Variants in FAM161B observed in about 807,000 individuals in gnomAD.
FAM161B encodes the protein protein FAM161B.
In FAM161B, 46 loss-of-function variants were observed where a neutral mutation model predicts 61.5. That is an observed-to-expected ratio of 0.75 (90% CI 0.59 to 0.96). The LOEUF is 0.96. Among genes scored for constraint, FAM161B ranks in the 40% least tolerant of loss-of-function variants. The pLI, the probability that FAM161B is intolerant of heterozygous loss-of-function variation, is 0.00. For synonymous variants in FAM161B, 284 were observed against 302.7 expected, an observed-to-expected ratio of 0.94 and a Z score of 0.64; for missense variants, 774 against 800.7, an observed-to-expected ratio of 0.97 and a Z score of 0.40.
chr14:73,925,624 T>C, the FAM161B span, among the ~76,000 whole-genome samples: 3 of 152,020 alleles, frequency 2.0e-5, no homozygotes, highest in Admixed American at 1.3e-4. Context: ...GATAGGGTTT[T>C]ACCCTGTTGG....
At position 73,932,930 on chromosome 14, in the gene FAM161B, T is replaced by G. The variant is rs193172048; in HGVS notation, c.*1326A>C. On this transcript the variant is annotated 3_prime_UTR_variant, in exon 9 of 9. Transcript: ENST00000286544. ...TGAACCACTGCACCGAGCCAGAATA[T>G]CCAATTATTATTGGTGAGAAGAAAA... is the stretch of plus-strand genomic sequence containing the variant. The G allele has an allele frequency of 6.5e-6, 1 of 152,964 alleles. No individual in the cohort carries two copies. The highest frequency in any genetic ancestry group is 1.5e-5 in the Non-Finnish European group (1 of 68,560). 9.5% of individuals were successfully genotyped at this position (152,964 alleles called of 1,614,324 possible).
At chr14:73,939,572 T>C (rs1362316719) in intron 5 of FAM161B, among the ~76,000 whole-genome samples, 1 of 152,236 alleles carries the variant, frequency 6.6e-6, no homozygotes, top group African/African-American at 2.4e-5. Flanking sequence ...CCAGGACCTC[T>C]GACTCCGAAG....
intron 3 of FAM161B, 50 bp from the exon 4 acceptor site, chr14:73,942,765 A>G: frequency 6.5e-7 from 1 of 1,533,130 alleles, no homozygotes; most frequent in Non-Finnish European, 8.9e-7. Flanking sequence ...CAAGAAACCT[A>G]CAGGGTTGGA....
chr14:73,945,942 A>G (rs1309166148), intron 2 of FAM161B, among the ~76,000 whole-genome samples: 2 of 152,004 alleles, frequency 1.3e-5, no homozygotes. Flanking sequence ...GGGTTTCACC[A>G]TGTTGGCCAG....
chr14:73,931,903 G>GCTGT (rs2055921518), downstream of FAM161B: 3 of 456,254 alleles, frequency 6.6e-6, no homozygotes, highest in African/African-American at 4.0e-5. Context: ...CCCAGACTCA[G>GCTGT]CTGTCTTTTC....
chr14:73,937,709 T>C lies in FAM161B; in HGVS notation c.1566-8A>G. On this transcript the variant is annotated splice_region_variant and splice_polypyrimidine_tract_variant and intron_variant, in intron 6 of 8. Transcript: ENST00000286544. ...CTTTTACGGTCATTGTTCCTGGAAT[T>C]AGCAAGACTTTTAGAAAGAATTTCA... 6.2e-7 allele frequency: 1 copy of C among 1,610,326 alleles called. No individual in the cohort carries two copies.
chr14:73,935,893 A>G (rs1318536018), intron 8 of FAM161B, 56 bp downstream of exon 8: 1 of 1,550,636 alleles, frequency 6.4e-7, no homozygotes. Flanking sequence ...TCCCAGTGGT[A>G]TTACTGGGTA....
intron 7 of FAM161B, among the ~76,000 whole-genome samples, chr14:73,937,367 G>A (rs1278021630): frequency 1.3e-5 from 2 of 152,202 alleles, no homozygotes; most frequent in African/African-American, 4.8e-5. Context: ...TACAGTGAAA[G>A]CTCTAGGAAG....
chr14:73,931,780 C>G (rs1340949880), downstream of FAM161B: 1 of 524,472 alleles, frequency 1.9e-6, no homozygotes. Flanking sequence ...CTGTACCTAC[C>G]TCTCTTCCCA....
In FAM161B at chr14:73,944,417, A is replaced by C; in HGVS notation, c.843T>G (p.Ala281=). The C allele has an allele frequency of 3.7e-6, 6 of 1,612,822 alleles. No individual in the cohort carries two copies. The highest frequency in any genetic ancestry group is 5.1e-6 in the Non-Finnish European group (6 of 1,178,966). The change falls in exon 3 of 9, where the codon GCT becomes GCG. Residue 281 remains alanine, a synonymous_variant. Transcript: ENST00000286544. ...AARQRDLAAT[A]EAKISKQKAT... ...CCTTCTGCTTGGAGATCTTGGCTTC[A>C]GCTGTGGCTGCCAAGTCTCTCTGTC... is the stretch of plus-strand genomic sequence containing the variant.
At chr14:73,948,407 C>A (rs2056086443) in intron 1 of FAM161B, among the ~76,000 whole-genome samples, 1 of 152,160 alleles carries the variant, frequency 6.6e-6, no homozygotes, top group Non-Finnish European at 1.5e-5. Context: ...CTGAGTTATA[C>A]TTTCTCAGTC....
intron 8 of FAM161B, among the ~76,000 whole-genome samples, chr14:73,934,726 C>T (rs529336338): frequency 1.3e-5 from 2 of 152,022 alleles, no homozygotes; most frequent in South Asian, 4.2e-4. Context: ...GGATTACAGG[C>T]GTGAGCCACC....
chr14:73,935,478 G>A (rs983251670), intron 8 of FAM161B, among the ~76,000 whole-genome samples: 2 of 149,542 alleles, frequency 1.3e-5, no homozygotes, highest in African/African-American at 4.9e-5. Flanking sequence ...CAGTGAGCCA[G>A]AAATCGCGCC....
the FAM161B span, among the ~76,000 whole-genome samples, chr14:73,925,187 A>C: frequency 0.49 from 74,578 of 152,036 alleles, 18,512 homozygotes; most frequent in South Asian, 0.61. Flanking sequence ...AAAGTTTTTG[A>C]TCTTGATATC....
In FAM161B at chr14:73,934,123, G is replaced by A; in HGVS notation, c.*133C>T. ...AGGCGTGAGCCACTGCGCCTGGCCTGTTAATCTGCTACTCTTCATTTGTCC... is the reference window on the plus strand; with the variant it reads ...AGGCGTGAGCCACTGCGCCTGGCCTATTAATCTGCTACTCTTCATTTGTCC... On this transcript the variant is annotated 3_prime_UTR_variant, in exon 9 of 9. Transcript: ENST00000286544. The A allele has an allele frequency of 1.8e-6, 2 of 1,132,914 alleles. No individual in the cohort carries two copies. The highest frequency in any genetic ancestry group is 1.6e-5 in the South Asian group (1 of 62,614). 70.2% of individuals were successfully genotyped at this position (1,132,914 alleles called of 1,614,324 possible). A position where few individuals can be genotyped will look rare whatever the true frequency, so the allele number is the denominator to read the frequency against.
In FAM161B at chr14:73,944,840, G is replaced by C; in HGVS notation, c.420C>G (p.Ser140=). The C allele has an allele frequency of 6.5e-7, 1 of 1,534,622 alleles. No individual in the cohort carries two copies. Among genetic ancestry groups the C allele is most frequent in the Non-Finnish European group, 8.8e-7 (1 of 1,142,552 alleles). ...RRCSSLNNLP[S]NIPRPQTQPP... is the part of the protein sequence containing the mutation. The stretch of plus-strand genomic sequence containing the variant: ...GCTGGGTCTGAGGCCTGGGAATGTT[G>C]GAGGGAAGGTTGTTCAGGGAGCTGC... Residue 140 remains serine, a synonymous_variant, in exon 3 of 9, where the codon TCC becomes TCG. Coordinates refer to ENST00000286544, the MANE Select transcript of FAM161B (RefSeq NM_152445.3).
At chr14:73,923,131 A>T in the FAM161B span, among the ~76,000 whole-genome samples, 17 of 152,168 alleles carry the variant, frequency 1.1e-4, no homozygotes, top group Non-Finnish European at 2.4e-4. Context: ...TGCCTGTTTC[A>T]TACATAGTTT....
In FAM161B at chr14:73,944,584, A is replaced by G. The variant is rs941152054; in HGVS notation, c.676T>C (p.Tyr226His). The G allele has an allele frequency of 3.1e-5, 50 of 1,613,902 alleles. No homozygotes were observed. Among genetic ancestry groups the G allele is most frequent in the Non-Finnish European group, 4.2e-5 (50 of 1,180,000 alleles). The change falls in exon 3 of 9, where the codon TAC (tyrosine) becomes CAC (histidine). Residue 226 changes from tyrosine to histidine, a missense_variant. Coordinates refer to ENST00000286544, the MANE Select transcript of FAM161B (RefSeq NM_152445.3). Reference sequence around the variant, plus strand: ...ATGATCTCTTGGTAGAGGGGCAGGTAGACATGTGCAGGCACAGGCTGTGCC... The same window carrying G: ...ATGATCTCTTGGTAGAGGGGCAGGTGGACATGTGCAGGCACAGGCTGTGCC... ...FRAQPVPAHV[Y>H]LPLYQEIMER...
chr14:73,925,890 G>A, the FAM161B span, among the ~76,000 whole-genome samples: 6 of 152,136 alleles, frequency 3.9e-5, no homozygotes, highest in Non-Finnish European at 7.4e-5. Flanking sequence ...AAAAATTAGC[G>A]GGACGTGGTG....
Sources: gnomAD v4.1 joint callset for allele counts (sites outside exome capture counted in the v4.1 genomes callset) on GRCh38, gnomAD v4.1.1 for gene constraint, MANE v1.5 for transcripts, NCBI Gene and HGNC (gene_info 2026-07-23, HGNC 2026-07-21) for gene names.